AOAH: variants seen among roughly 807,000 people sequenced by gnomAD.
AOAH encodes acyloxyacyl hydrolase, also known as acyloxyacyl hydrolase (neutrophil).
Under a neutral mutation model 92.2 loss-of-function variants are expected in AOAH, and 64 were observed. That is an observed-to-expected ratio of 0.69 (90% CI 0.57 to 0.86). The LOEUF (loss-of-function observed/expected upper bound fraction) is 0.86. Among genes scored for constraint, AOAH ranks in the 40% least tolerant of loss-of-function variants. The pLI is 0.00. For synonymous variants in AOAH, 263 were observed against 254.5 expected (o/e 1.03, Z -0.32); for missense variants, 656 against 694.6 (o/e 0.94, Z 0.62).
At chr7:36,545,090 C>T (rs947149329) in intron 15 of AOAH, among the ~76,000 whole-genome samples, 2 of 151,520 alleles carry the variant, frequency 1.3e-5, no homozygotes, top group African/African-American at 2.4e-5. Context: ...CTCGCTCTAT[C>T]ACCCAGGCTG....
chr7:36,514,175 C>T lies in AOAH; in HGVS notation c.1600-795G>A, dbSNP rs145699977. ...TGTCTGGTGGGGGAAGGGGTGGGAT[C>T]TCTCTGAAGAAGGTGGCGGCTGAGA... On this transcript the variant is annotated intron_variant, in intron 20 of 20. Transcript: ENST00000617537. Among the ~76,000 whole-genome samples, 1,069 of 152,220 alleles carry T rather than the reference C, an allele frequency of 7.0e-3. 15 individuals carry two copies. Among genetic ancestry groups the T allele is most frequent in the African/African-American group, 0.024 (1,007 of 41,536 alleles).
At chr7:36,517,204 T>TTC (rs796716098) in intron 20 of AOAH, among the ~76,000 whole-genome samples, 4 of 41,316 alleles carry the variant, frequency 9.7e-5, no homozygotes, top group African/African-American at 2.6e-4. Flanking sequence ...CTTTCTTTCT[T>TTC]TCTTTCTTTC....
In AOAH at chr7:36,637,238, C is replaced by A. The variant is rs1760455210; in HGVS notation, c.450+613G>T. On this transcript the variant is annotated intron_variant, in intron 5 of 20. Coordinates refer to ENST00000617537, the MANE Select transcript of AOAH (RefSeq NM_001637.4). ...ATAACTAACTCACATTTATCGAGGA[C>A]TTGGTAAGTCCTAGCCAAGATCCCA... Among the ~76,000 whole-genome samples, 3 of 152,188 alleles carry A rather than the reference C, an allele frequency of 2.0e-5. No homozygotes were observed. In the South Asian group the frequency reaches 6.2e-4, roughly 31 times the overall value.
intron 20 of AOAH, among the ~76,000 whole-genome samples, chr7:36,518,013 TCTG>T (rs1211175774): frequency 6.6e-6 from 1 of 151,898 alleles, no homozygotes; most frequent in East Asian, 1.9e-4. Flanking sequence ...CATTTTGTAA[TCTG>T]CTCTTATTGA....
intron 1 of AOAH, among the ~76,000 whole-genome samples, chr7:36,693,322 C>T (rs1191807107): frequency 6.6e-6 from 1 of 152,242 alleles, no homozygotes; most frequent in Admixed American, 6.5e-5. Flanking sequence ...GGAACTGTTA[C>T]AGTAACCTTC....
At chr7:36,663,929 T>C (rs1179530160) in intron 3 of AOAH, among the ~76,000 whole-genome samples, 2 of 152,156 alleles carry the variant, frequency 1.3e-5, no homozygotes, top group Non-Finnish European at 2.9e-5. Context: ...TGGTATCTCA[T>C]TGTTTTAATT....
chr7:36,606,896 C>T (rs951320073), intron 11 of AOAH, among the ~76,000 whole-genome samples: 4 of 152,234 alleles, frequency 2.6e-5, no homozygotes, highest in Middle Eastern at 6.8e-3. Flanking sequence ...TTAGATATTT[C>T]GGAGAGAAGC....
rs1793633423 is a variant in AOAH at position 36,637,889 on chromosome 7, G to A, written c.412C>T (p.Gln138Ter). ...LPKETWKFTL[Q>*]KARQIVKKSP... is the part of the protein sequence containing the mutation. ...TTCTTGACAATTTGTCTTGCCTTCT[G>A]TAGTGTAAATTTCCATGTCTCCTAT... The change falls in exon 5 of 21, where the codon CAG becomes TAG. Residue 138 changes from glutamine (Q) to a stop codon, truncating the protein, a stop_gained. Transcript: ENST00000617537. LOFTEE classifies it high-confidence loss of function. 2 of 1,613,970 alleles carry A rather than the reference G, an allele frequency of 1.2e-6. No homozygotes were observed. The highest frequency in any genetic ancestry group is 1.7e-6 in the Non-Finnish European group (2 of 1,179,832).
intron 1 of AOAH, among the ~76,000 whole-genome samples, chr7:36,721,315 G>A (rs3901023): frequency 0.019 from 2,945 of 152,220 alleles, 44 homozygotes; most frequent in Middle Eastern, 0.054. Flanking sequence ...CTCTCAGTGG[G>A]ACTTCTTTTA....
chr7:36,708,699 C>T (rs148512031), intron 1 of AOAH, among the ~76,000 whole-genome samples: 3 of 152,120 alleles, frequency 2.0e-5, no homozygotes, highest in Admixed American at 1.3e-4. Context: ...GAGTTGTTGT[C>T]TCTTCTTTTC....
intron 4 of AOAH, among the ~76,000 whole-genome samples, chr7:36,645,196 G>T (rs560926607): frequency 6.6e-6 from 1 of 152,276 alleles, no homozygotes; most frequent in South Asian, 2.1e-4. Flanking sequence ...GGGGCCTTTG[G>T]GTAGTGATTA....
intron 12 of AOAH, among the ~76,000 whole-genome samples, chr7:36,587,329 T>C (rs559998760): frequency 6.5e-4 from 97 of 148,708 alleles, no homozygotes; most frequent in African/African-American, 2.4e-3. Flanking sequence ...TATATACACA[T>C]GTAGTTGGAA....
chr7:36,523,763 G>A (rs564042794), intron 19 of AOAH, among the ~76,000 whole-genome samples: 66 of 151,056 alleles, frequency 4.4e-4, no homozygotes, highest in Admixed American at 9.3e-4. Context: ...CCTGCTGGCT[G>A]CGATGCTGGC....
chr7:36,621,232 ATC>A (rs2116063797), intron 8 of AOAH, among the ~76,000 whole-genome samples: 1 of 152,316 alleles, frequency 6.6e-6, no homozygotes, highest in East Asian at 1.9e-4. Context: ...GGGCTAGCAT[ATC>A]TGTTTTTTGA....
At chr7:36,568,287 G>A (rs979606690) in intron 13 of AOAH, among the ~76,000 whole-genome samples, 1 of 152,200 alleles carries the variant, frequency 6.6e-6, no homozygotes, top group Non-Finnish European at 1.5e-5. Context: ...CAGGGAGCGG[G>A]AGATACCTTT....
intron 20 of AOAH, 76 bp downstream of exon 20, chr7:36,521,963 C>T (rs1417922391): frequency 8.1e-6 from 10 of 1,231,486 alleles, no homozygotes; most frequent in African/African-American, 4.4e-5. Context: ...AAAATAAACA[C>T]ATGAATGTGT....
chr7:36,591,019 C>T (rs1789703953), intron 12 of AOAH, among the ~76,000 whole-genome samples: 1 of 152,160 alleles, frequency 6.6e-6, no homozygotes, highest in Non-Finnish European at 1.5e-5. Context: ...ATTATGATCC[C>T]ACAGATGCAG....
chr7:36,527,790 C>G (rs1784480061), intron 19 of AOAH, among the ~76,000 whole-genome samples: 1 of 152,212 alleles, frequency 6.6e-6, no homozygotes, highest in Non-Finnish European at 1.5e-5. Flanking sequence ...TGGGCTCTTT[C>G]TATAACCACA....
At chr7:36,542,553 AT>A (rs1171660523) in intron 15 of AOAH, among the ~76,000 whole-genome samples, 1 of 152,198 alleles carries the variant, frequency 6.6e-6, no homozygotes, top group Non-Finnish European at 1.5e-5. Context: ...ATAAATGAAT[AT>A]TGGCACTGCC....
Sources: allele counts gnomAD v4.1 joint callset (sites outside exome capture counted in the v4.1 genomes callset), GRCh38; gene constraint gnomAD v4.1.1; transcripts MANE v1.5; gene names NCBI Gene and HGNC (gene_info 2026-07-23, HGNC 2026-07-21).